NEXMIF: variants seen among roughly 807,000 people sequenced by gnomAD.
NEXMIF encodes the protein neurite extension and migration factor.
Under a neutral mutation model 62.1 loss-of-function variants are expected in NEXMIF, and 8 were observed. That is an observed-to-expected ratio of 0.13 (90% CI 0.08 to 0.23). The LOEUF (loss-of-function observed/expected upper bound fraction) is 0.23, where lower values mean the gene tolerates loss of function less well. Among genes scored for constraint, NEXMIF ranks in the 10% least tolerant of loss-of-function variants. The pLI is 1.00. For synonymous variants in NEXMIF, 404 were observed against 416.6 expected, an observed-to-expected ratio of 0.97 and a Z score of 0.37; for missense variants, 976 against 1,113.3, an observed-to-expected ratio of 0.88 and a Z score of 1.75.
At chrX:74,739,996 T>G in intron 3 of NEXMIF, 104 bp downstream of exon 3, 1 of 699,161 alleles carries the variant, frequency 1.4e-6, no homozygotes, top group Middle Eastern at 4.8e-4. Context: ...GTTTCTTTCA[T>G]GCAAATTTTT....
intron 1 of NEXMIF, chrX:74,769,853 C>A (rs769690708): frequency 1.0e-4 from 37 of 370,869 alleles, no homozygotes; most frequent in Non-Finnish European, 7.5e-5. Flanking sequence ...GATCAAGATA[C>A]ACTGTATGTA....
chrX:74,794,275 A>T (rs1245790216), intron 1 of NEXMIF, among the ~76,000 whole-genome samples: 1 of 107,433 alleles, frequency 9.3e-6, no homozygotes, highest in East Asian at 3.0e-4. Context: ...GGTGCCTCCC[A>T]GTTAGGCTGC....
At chrX:74,903,781 C>T (rs1048028868) in intron 1 of NEXMIF, among the ~76,000 whole-genome samples, 18 of 111,020 alleles carry the variant, frequency 1.6e-4, no homozygotes, top group African/African-American at 5.6e-4. Context: ...AATAATAAAC[C>T]GTCACTTTCC....
intron 1 of NEXMIF, among the ~76,000 whole-genome samples, chrX:74,872,212 G>A (rs1326891219): frequency 9.9e-5 from 11 of 111,107 alleles, no homozygotes; most frequent in South Asian, 3.8e-4. Flanking sequence ...ACAAAAATGT[G>A]TTACATCTAC....
At chrX:74,909,819 G>A (rs772938603) in intron 1 of NEXMIF, among the ~76,000 whole-genome samples, 1 of 112,127 alleles carries the variant, frequency 8.9e-6, no homozygotes, top group Non-Finnish European at 1.9e-5. Flanking sequence ...TGCTCCAGCT[G>A]TTGCTAAAAG....
rs775459705 is a variant in NEXMIF, at chrX:74,780,527, C to T, written c.-47-34830G>A. Among the ~76,000 whole-genome samples the T allele has an allele frequency of 3.7e-5, 4 of 108,511 alleles. 1 individual carries two copies. The South Asian group carries it at 1.7e-3, about 45-fold the overall frequency. The allele number at this position is 108,511 out of a possible 115,157, so 94.2% of individuals were successfully genotyped here. A position where few individuals can be genotyped will look rare whatever the true frequency, so the allele number is the denominator to read the frequency against. On this transcript the variant is annotated intron_variant, in intron 1 of 3. Transcript: ENST00000055682. The stretch of plus-strand genomic sequence containing the variant: ...GGGACTACAGGCGTGTGCCACCATG[C>T]CTGGCTAATTTTTTTTTTTTTGTAT...
At chrX:74,889,119 C>T (rs2080708309) in intron 1 of NEXMIF, among the ~76,000 whole-genome samples, 1 of 111,564 alleles carries the variant, frequency 9.0e-6, no homozygotes, top group African/African-American at 3.3e-5. Context: ...TTATTATTTC[C>T]GTTAATGCCC....
chrX:74,806,765 G>A (rs202221900), intron 1 of NEXMIF, among the ~76,000 whole-genome samples: 2 of 112,156 alleles, frequency 1.8e-5, no homozygotes, highest in East Asian at 5.6e-4. Context: ...TCTGTGTCTC[G>A]ATTCATTTAT....
In NEXMIF at chrX:74,884,313, A is replaced by C. The variant is rs760963480; in HGVS notation, c.-48+40570T>G. Among the ~76,000 whole-genome samples the C allele has an allele frequency of 4.5e-5, 5 of 111,987 alleles. No individual in the cohort carries two copies. The South Asian group carries it at 1.9e-3, about 42-fold the overall frequency. On this transcript the variant is annotated intron_variant, in intron 1 of 3. Transcript: ENST00000055682. ...CATAACAATACTAACCTTAAATGTAAATGGGCTAAATGCTCCAATTAAAAG... is the reference window on the plus strand; with the variant it reads ...CATAACAATACTAACCTTAAATGTACATGGGCTAAATGCTCCAATTAAAAG...
intron 1 of NEXMIF, among the ~76,000 whole-genome samples, chrX:74,868,899 C>T (rs2080590179): frequency 9.0e-6 from 1 of 111,577 alleles, no homozygotes; most frequent in African/African-American, 3.2e-5. Flanking sequence ...TTCTACCAAA[C>T]ATTTAAAGAA....
At chrX:74,833,842 A>C (rs1373779855) in intron 1 of NEXMIF, among the ~76,000 whole-genome samples, 1 of 111,600 alleles carries the variant, frequency 9.0e-6, no homozygotes, top group Non-Finnish European at 1.9e-5. Flanking sequence ...TAAACAAACA[A>C]ACACACAAAA....
intron 1 of NEXMIF, among the ~76,000 whole-genome samples, chrX:74,788,591 G>A (rs2080267737): frequency 9.1e-6 from 1 of 110,485 alleles, no homozygotes; most frequent in South Asian, 3.9e-4. Flanking sequence ...GTCAGCAAGG[G>A]GCACAAACAT....
chrX:74,786,989 A>G (rs2080262396), intron 1 of NEXMIF, among the ~76,000 whole-genome samples: 1 of 108,270 alleles, frequency 9.2e-6, no homozygotes, highest in South Asian at 4.1e-4. Context: ...GGCCGGGCAC[A>G]GTGGCTCACG....
At chrX:74,873,081 C>T (rs2080610272) in intron 1 of NEXMIF, among the ~76,000 whole-genome samples, 1 of 109,666 alleles carries the variant, frequency 9.1e-6, no homozygotes, top group Non-Finnish European at 1.9e-5. Flanking sequence ...TGCTGGTGCG[C>T]TGCACCCACT....
chrX:74,743,674 T>C lies in NEXMIF; in HGVS notation c.883A>G (p.Met295Val). 8.3e-7 allele frequency: 1 copy of C among 1,211,417 alleles called. No individual in the cohort carries two copies. Among genetic ancestry groups the C allele is most frequent in the Non-Finnish European group, 1.1e-6 (1 of 895,043 alleles). Residue 295 changes from methionine (M) to valine (V), a missense_variant, in exon 3 of 4, where the codon ATG becomes GTG. Physicochemically the swap from Met to Val is conservative, Grantham distance 21 (BLOSUM62 1). Transcript: ENST00000055682. ...LFSEEDVDNY[M>V]FDDDESTLGS... ...AGTGTTGATTCATCATCATCAAACA[T>C]GTAGTTATCCACATCTTCTTCAGAG...
intron 1 of NEXMIF, among the ~76,000 whole-genome samples, chrX:74,806,293 T>C (rs1426288170): frequency 9.0e-6 from 1 of 110,923 alleles, no homozygotes; most frequent in African/African-American, 3.3e-5. Flanking sequence ...GGGGCAAGGA[T>C]TGAAAAACTA....
intron 1 of NEXMIF, among the ~76,000 whole-genome samples, chrX:74,837,717 T>A (rs1360022166): frequency 1.8e-5 from 2 of 111,591 alleles, no homozygotes; most frequent in Non-Finnish European, 3.8e-5. Context: ...CCACTGTTAG[T>A]AAAAGAAAAC....
intron 1 of NEXMIF, among the ~76,000 whole-genome samples, chrX:74,924,170 C>G (rs2080835606): frequency 9.0e-6 from 1 of 111,669 alleles, no homozygotes; most frequent in African/African-American, 3.3e-5. Context: ...ACGGCCTTCC[C>G]GCCCTACAGG....
chrX:74,754,219 C>T (rs1428572134), intron 1 of NEXMIF, among the ~76,000 whole-genome samples: 1 of 111,539 alleles, frequency 9.0e-6, no homozygotes, highest in Non-Finnish European at 1.9e-5. Flanking sequence ...ACCTCAGCTT[C>T]CCAAAGTGCT....
Sources: allele counts gnomAD v4.1 joint callset (sites outside exome capture counted in the v4.1 genomes callset), GRCh38; gene constraint gnomAD v4.1.1; transcripts MANE v1.5; gene names NCBI Gene and HGNC (gene_info 2026-07-23, HGNC 2026-07-21).